TNR: variants seen among roughly 807,000 people sequenced by gnomAD.
The protein encoded by TNR is tenascin-R.
A neutral mutation model predicts 150.4 loss-of-function variants in TNR; 45 were observed. The observed-to-expected ratio is 0.30, with a 90% CI of 0.24 to 0.38. The LOEUF (loss-of-function observed/expected upper bound fraction) is 0.38. Among genes scored for constraint, TNR ranks in the 10% least tolerant of loss-of-function variants. The pLI is 1.00. For missense variants in TNR, 1,544 were observed against 1,759.1 expected (o/e 0.88, Z 2.19); for synonymous variants, 687 against 678.4 (o/e 1.01, Z -0.20).
chr1:175,492,645 A>C (rs1261636386), intron 2 of TNR, among the ~76,000 whole-genome samples: 1 of 152,148 alleles, frequency 6.6e-6, no homozygotes, highest in Non-Finnish European at 1.5e-5. Context: ...AGTCAAAACT[A>C]TATCTATGGA....
chr1:175,346,904 A>C (rs1339498649), intron 18 of TNR, among the ~76,000 whole-genome samples: 1 of 149,142 alleles, frequency 6.7e-6, no homozygotes, highest in Non-Finnish European at 1.5e-5. Context: ...AAAAAAAAAG[A>C]AGCAAAAAAG....
At chr1:175,616,418 C>T (rs1478537292) in intron 1 of TNR, among the ~76,000 whole-genome samples, 1 of 152,168 alleles carries the variant, frequency 6.6e-6, no homozygotes, top group Non-Finnish European at 1.5e-5. Flanking sequence ...TGGCAGCTGG[C>T]GGGTGATGCT....
Position 175,613,511 on chromosome 1 carries a change from G to A in TNR, c.-164-85142C>T, listed in dbSNP as rs561761266. On this transcript the variant is annotated intron_variant, in intron 1 of 22. Coordinates refer to ENST00000367674, the MANE Select transcript of TNR (RefSeq NM_003285.3). Reference sequence around the variant, plus strand: ...CAGCATTCCCTGCCTGGTTCTTCTCGCCTGCAGCTAATCTCACTGGCATGA... The same window carrying A: ...CAGCATTCCCTGCCTGGTTCTTCTCACCTGCAGCTAATCTCACTGGCATGA... Among the ~76,000 whole-genome samples the A allele has an allele frequency of 7.4e-5, 10 of 134,908 alleles. No homozygotes were observed. In the East Asian group the frequency reaches 9.0e-4, roughly 12 times the overall value. The allele number at this position is 134,908 out of a possible 152,430, so 88.5% of individuals were successfully genotyped here. A position where few individuals can be genotyped will look rare whatever the true frequency, so the allele number is the denominator to read the frequency against.
intron 1 of TNR, among the ~76,000 whole-genome samples, chr1:175,677,639 G>A (rs575572954): frequency 6.6e-6 from 1 of 152,192 alleles, no homozygotes; most frequent in Non-Finnish European, 1.5e-5. Context: ...GCAGGGAGGA[G>A]AAGAAGATGG....
chr1:175,728,012 A>C (rs921126827), intron 1 of TNR, among the ~76,000 whole-genome samples: 1 of 152,268 alleles, frequency 6.6e-6, no homozygotes, highest in African/African-American at 2.4e-5. Context: ...AAGTGACAAC[A>C]GTCAGCACAA....
intron 1 of TNR, among the ~76,000 whole-genome samples, chr1:175,593,345 T>TA (rs957999424): frequency 1.2e-4 from 19 of 152,218 alleles, no homozygotes; most frequent in African/African-American, 4.3e-4. Flanking sequence ...AAGCCTCACA[T>TA]AGAGCCAGTT....
At chr1:175,331,046 T>TTTCTTTCTTTCTTTCTTTCCTTCC in intron 20 of TNR, among the ~76,000 whole-genome samples, 1 of 82,968 alleles carries the variant, frequency 1.2e-5, no homozygotes, top group African/African-American at 4.5e-5. Context: ...TCTTTCTTTC[T>TTTCTTTCTTTCTTTCTTTCCTTCC]TTCTTTCTTT....
At chr1:175,709,057 G>A (rs1666921207) in intron 1 of TNR, among the ~76,000 whole-genome samples, 1 of 152,000 alleles carries the variant, frequency 6.6e-6, no homozygotes, top group African/African-American at 2.4e-5. Context: ...CCTCACTGGG[G>A]GAAGATGAAG....
chr1:175,730,413 T>C (rs569664876), intron 1 of TNR, among the ~76,000 whole-genome samples: 107 of 152,326 alleles, frequency 7.0e-4, no homozygotes, highest in Non-Finnish European at 1.2e-3. Context: ...AAGTTATCTT[T>C]GTGACTCCCC....
chr1:175,505,089 G>A (rs977873237), intron 2 of TNR, among the ~76,000 whole-genome samples: 2 of 152,162 alleles, frequency 1.3e-5, no homozygotes, highest in African/African-American at 4.8e-5. Context: ...GACGCTGTTC[G>A]GCCAGGTCCA....
chr1:175,597,623 G>T (rs535153277), intron 1 of TNR, among the ~76,000 whole-genome samples: 2 of 152,298 alleles, frequency 1.3e-5, no homozygotes, highest in African/African-American at 4.8e-5. Context: ...TATACCTGCT[G>T]ATGGTTTTAG....
intron 1 of TNR, among the ~76,000 whole-genome samples, chr1:175,722,199 T>C (rs886858766): frequency 6.6e-6 from 1 of 152,064 alleles, no homozygotes; most frequent in Non-Finnish European, 1.5e-5. Flanking sequence ...TGATGTTCCT[T>C]TCCTGGTCAT....
intron 1 of TNR, among the ~76,000 whole-genome samples, chr1:175,675,989 T>TG (rs1401324834): frequency 6.6e-6 from 1 of 152,016 alleles, no homozygotes; most frequent in African/African-American, 2.4e-5. Context: ...AAGGGAGTGG[T>TG]GGGGGGAAAT....
At chr1:175,375,398 T>G (rs1557893735) in intron 9 of TNR, among the ~76,000 whole-genome samples, 1 of 152,040 alleles carries the variant, frequency 6.6e-6, no homozygotes, top group Non-Finnish European at 1.5e-5. Context: ...AAAAAGTCAT[T>G]GCAGACATTG....
chr1:175,435,639 C>T (rs1655471269), intron 2 of TNR, among the ~76,000 whole-genome samples: 1 of 152,164 alleles, frequency 6.6e-6, no homozygotes, highest in Non-Finnish European at 1.5e-5. Context: ...AGAAGGATTC[C>T]AAGGACTGAT....
chr1:175,557,017 A>G (rs369453339), intron 1 of TNR, among the ~76,000 whole-genome samples: 18 of 152,214 alleles, frequency 1.2e-4, no homozygotes, highest in African/African-American at 4.3e-4. Context: ...GGAAAGGTCT[A>G]TGTTTCCAGT....
chr1:175,657,197 A>G (rs1256443607), intron 1 of TNR, among the ~76,000 whole-genome samples: 1 of 152,186 alleles, frequency 6.6e-6, no homozygotes, highest in Non-Finnish European at 1.5e-5. Flanking sequence ...CATCAGAGAA[A>G]TGCAAATCAA....
chr1:175,469,523 G>A (rs1357978335), intron 2 of TNR, among the ~76,000 whole-genome samples: 2 of 152,126 alleles, frequency 1.3e-5, no homozygotes, highest in East Asian at 3.9e-4. Context: ...AGGGGACTGA[G>A]GTTGGCATGT....
chr1:175,669,645 C>T (rs1004895287), intron 1 of TNR, among the ~76,000 whole-genome samples: 1 of 152,166 alleles, frequency 6.6e-6, no homozygotes, highest in African/African-American at 2.4e-5. Flanking sequence ...CAACCATCAC[C>T]AGCCGAGCCA....
Sources: allele counts gnomAD v4.1 joint callset (sites outside exome capture counted in the v4.1 genomes callset), GRCh38; gene constraint gnomAD v4.1.1; transcripts MANE v1.5; gene names NCBI Gene and HGNC (gene_info 2026-07-23, HGNC 2026-07-21).